TGIF1: variants seen among roughly 807,000 people sequenced by gnomAD.
The protein encoded by TGIF1 is homeobox protein TGIF1.
In TGIF1, 4 loss-of-function variants were observed where a neutral mutation model predicts 19.3. The observed-to-expected ratio is 0.21, with a 90% CI of 0.10 to 0.47. The LOEUF (loss-of-function observed/expected upper bound fraction) is 0.47, where lower values mean the gene tolerates loss of function less well. Ranked by LOEUF, TGIF1 falls within the 20% of genes least tolerant of loss-of-function variation. TGIF1 has a pLI of 0.98. For synonymous variants in TGIF1, 122 were observed against 129.3 expected (o/e 0.94, Z 0.38); for missense variants, 275 against 341.4 (o/e 0.81, Z 1.53).
At chr18:3,449,321 G>A, upstream of TGIF1, 2 of 937,740 alleles carry the variant, frequency 2.1e-6, no homozygotes, top group Non-Finnish European at 2.5e-6. Flanking sequence ...TATAAAAGTG[G>A]CCGCTGCCGG....
chr18:3,443,508 C>T lies in TGIF1; in HGVS notation c.-44-12846C>T, dbSNP rs183806462. 1.7e-3 allele frequency among the ~76,000 whole-genome samples: 253 copies of T among 152,038 alleles called. 2 individuals are homozygous for T. The highest frequency in any genetic ancestry group is 6.0e-3 in the African/African-American group (250 of 41,472). ...TGCAGCCTTGAACTTCCAGGCTCTG[C>T]AGGCTCTAACTCTGTGCACTACAGG... On this transcript the variant is annotated intron_variant, in intron 2 of 3. Transcript: ENST00000401449.
Position 3,456,732 on chromosome 18 carries a change from A to C in TGIF1, c.243+152A>C. Reference sequence around the variant, plus strand: ...AACTTGATAGTGTTAAAAGCTAATAACTAGCTATTTAGAGAACACAGAAAC... The same window carrying C: ...AACTTGATAGTGTTAAAAGCTAATACCTAGCTATTTAGAGAACACAGAAAC... On this transcript the variant is annotated intron_variant, in intron 2 of 2. Transcript: ENST00000343820. The surrounding 1 kb of genome is among the most constrained non-coding windows in gnomAD (Gnocchi z 4.2). 1 of 761,230 alleles carries C rather than the reference A, an allele frequency of 1.3e-6. No individual in the cohort carries two copies. The highest frequency in any genetic ancestry group is 2.3e-6 in the Non-Finnish European group (1 of 437,990). 47.2% of individuals were successfully genotyped at this position (761,230 alleles called of 1,614,324 possible). A position where few individuals can be genotyped will look rare whatever the true frequency, so the allele number is the denominator to read the frequency against.
At chr18:3,429,274 G>A (rs1272156581) in intron 2 of TGIF1, among the ~76,000 whole-genome samples, 2 of 151,996 alleles carry the variant, frequency 1.3e-5, no homozygotes, top group Non-Finnish European at 2.9e-5. Context: ...GTTTGTCCAG[G>A]CTGGTCTTGA....
In TGIF1 at chr18:3,456,242, G is replaced by T; in HGVS notation, c.17-112G>T. The T allele has an allele frequency of 2.9e-6, 3 of 1,041,438 alleles. No homozygotes were observed. The highest frequency in any genetic ancestry group is 4.5e-6 in the Non-Finnish European group (3 of 662,866). The allele number at this position is 1,041,438 out of a possible 1,614,324, so 64.5% of individuals were successfully genotyped here. A position where few individuals can be genotyped will look rare whatever the true frequency, so the allele number is the denominator to read the frequency against. ...ACAGAAAACACTGCTCCTTCTCCTC[G>T]CTCTCAGTTGTTGGGAAAGCATGGT... On this transcript the variant is annotated intron_variant, in intron 1 of 2. Coordinates refer to ENST00000343820, the MANE Select transcript of TGIF1 (RefSeq NM_003244.4). This position sits in a 1 kb window ranked among gnomAD's most constrained non-coding sequence, Gnocchi z 4.2.
At chr18:3,415,423 A>G (rs555863753) in intron 1 of TGIF1, 4 of 495,718 alleles carry the variant, frequency 8.1e-6, no homozygotes, top group Admixed American at 6.2e-5. Context: ...AGACAGGGTT[A>G]TTTCTCAGGC....
intron 2 of TGIF1, among the ~76,000 whole-genome samples, chr18:3,421,741 T>G (rs1267650340): frequency 7.7e-6 from 1 of 129,540 alleles, no homozygotes; most frequent in Non-Finnish European, 1.6e-5. Context: ...TATTTTAGAG[T>G]GTACTCTTTC....
At chr18:3,450,112 C>CG (rs2082855037), upstream of TGIF1, 1 of 838,002 alleles carries the variant, frequency 1.2e-6, no homozygotes, top group Admixed American at 5.0e-5. Context: ...GGGAGGGGGA[C>CG]GGGGCGGGCG....
At chr18:3,445,308 G>T (rs2082726037), upstream of TGIF1, among the ~76,000 whole-genome samples, 1 of 152,176 alleles carries the variant, frequency 6.6e-6, no homozygotes, top group African/African-American at 2.4e-5. Context: ...AAAACCCATT[G>T]CCTTTGTGCA....
intron 2 of TGIF1, among the ~76,000 whole-genome samples, chr18:3,443,576 T>C (rs1208689148): frequency 1.3e-5 from 2 of 152,094 alleles, no homozygotes; most frequent in Non-Finnish European, 1.5e-5. Flanking sequence ...AAAATAATAA[T>C]AATGAGAACT....
intron 2 of TGIF1, among the ~76,000 whole-genome samples, chr18:3,423,021 A>G (rs73375993): frequency 0.021 from 3,143 of 152,056 alleles, 97 homozygotes; most frequent in African/African-American, 0.061. Context: ...TTTTTACTAT[A>G]CATGTTCTAG....
At chr18:3,453,911 C>T in intron 1 of TGIF1, 1 of 896,388 alleles carries the variant, frequency 1.1e-6, no homozygotes, top group Non-Finnish European at 1.3e-6. Context: ...TTTTCAAAAG[C>T]GCTGTTACAA....
rs1362488066 is a variant in TGIF1, at chr18:3,451,664, G to A, written c.16+1159G>A. ...CCTCAAGGCCAGCGGGGTTCCTTCG[G>A]CTGCGTTTCTGTGGGAGGCCCTGAA... On this transcript the variant is annotated intron_variant, in intron 1 of 2. Transcript: ENST00000343820. This position sits in a 1 kb window ranked among gnomAD's most constrained non-coding sequence, Gnocchi z 5.4. 1.3e-5 allele frequency: 15 copies of A among 1,157,958 alleles called. No homozygotes were observed. Among genetic ancestry groups the A allele is most frequent in the Non-Finnish European group, 1.4e-5 (13 of 941,238 alleles). 71.7% of individuals were successfully genotyped at this position (1,157,958 alleles called of 1,614,324 possible).
Position 3,451,982 on chromosome 18 carries a change from G to A in TGIF1, c.16+1477G>A. 6.3e-7 allele frequency: 1 copy of A among 1,581,506 alleles called. No homozygotes were observed. Among genetic ancestry groups the A allele is most frequent in the Non-Finnish European group, 8.6e-7 (1 of 1,161,886 alleles). On this transcript the variant is annotated intron_variant, in intron 1 of 2. Coordinates refer to ENST00000343820, the MANE Select transcript of TGIF1 (RefSeq NM_003244.4). This position sits in a 1 kb window ranked among gnomAD's most constrained non-coding sequence, Gnocchi z 5.4. ...GTGAGGGGCTCTGTGTTTCGAGGATGGTTCTAGCGCAGAGCCGGGTGTCTG... is the reference window on the plus strand; with the variant it reads ...GTGAGGGGCTCTGTGTTTCGAGGATAGTTCTAGCGCAGAGCCGGGTGTCTG...
chr18:3,454,444 T>C (rs936428047), intron 1 of TGIF1, among the ~76,000 whole-genome samples: 1 of 152,244 alleles, frequency 6.6e-6, no homozygotes, highest in Non-Finnish European at 1.5e-5. Context: ...TTGGAGAGTT[T>C]AAACAAATTG....
chr18:3,414,931 A>G (rs1456360885), intron 1 of TGIF1, among the ~76,000 whole-genome samples: 2 of 152,234 alleles, frequency 1.3e-5, no homozygotes, highest in Non-Finnish European at 2.9e-5. Flanking sequence ...AATGTCAGAA[A>G]GATCAAGGAG....
upstream of TGIF1, chr18:3,449,692 C>T (rs1270625860): frequency 2.0e-6 from 2 of 985,324 alleles, no homozygotes; most frequent in African/African-American, 3.5e-5. Context: ...CCTCCCGTGC[C>T]CCGCCCCTTG....
In TGIF1 at chr18:3,457,775, C is replaced by T; in HGVS notation, c.654C>T (p.Asp218=). ...FTDTSLMYPE[D]TCKSGPSTNT... is the part of the protein sequence containing the mutation. ...ACACCTCTCTCATGTACCCAGAGGA[C>T]ACTTGTAAATCTGGACCAAGTACGA... Residue 218 remains aspartate, a synonymous_variant, in exon 3 of 3, where the codon GAC becomes GAT. Transcript: ENST00000343820. This position sits in a 1 kb window ranked among gnomAD's most constrained non-coding sequence, Gnocchi z 4.9. 1 of 1,614,120 alleles carries T rather than the reference C, an allele frequency of 6.2e-7. No homozygotes were observed. The highest frequency in any genetic ancestry group is 8.5e-7 in the Non-Finnish European group (1 of 1,180,028).
At chr18:3,444,655 G>A (rs1049623814) in intron 2 of TGIF1, among the ~76,000 whole-genome samples, 2 of 151,612 alleles carry the variant, frequency 1.3e-5, no homozygotes, top group Admixed American at 6.6e-5. Context: ...TTTTTGAGAC[G>A]GAGTCTCACT....
intron 2 of TGIF1, among the ~76,000 whole-genome samples, chr18:3,433,128 C>T (rs1324696802): frequency 6.6e-6 from 1 of 150,972 alleles, no homozygotes; most frequent in Non-Finnish European, 1.5e-5. Flanking sequence ...GGTTTGAGTG[C>T]AGTGGAGCAA....
Sources: gnomAD v4.1 joint callset for allele counts (sites outside exome capture counted in the v4.1 genomes callset) on GRCh38, gnomAD v4.1.1 for gene constraint, Gnocchi (gnomAD v3.1) non-coding constraint, MANE v1.5 for transcripts, NCBI Gene and HGNC (gene_info 2026-07-23, HGNC 2026-07-21) for gene names.